TNRC6C: variants seen among roughly 807,000 people sequenced by gnomAD.
TNRC6C encodes the protein trinucleotide repeat-containing gene 6C protein.
TNRC6C carries 20 observed loss-of-function variants against 153.7 expected under a neutral mutation model. That is an observed-to-expected ratio of 0.13 (90% CI 0.09 to 0.19). The LOEUF is 0.19. Ranked by LOEUF, TNRC6C falls within the 10% of genes least tolerant of loss-of-function variation. TNRC6C has a pLI of 1.00. For synonymous variants in TNRC6C, 811 were observed against 841.4 expected, an observed-to-expected ratio of 0.96 and a Z score of 0.63; for missense variants, 1,987 against 2,172.0, an observed-to-expected ratio of 0.91 and a Z score of 1.69.
chr17:78,075,317 CAA>C lies in TNRC6C; in HGVS notation c.3060+40_3060+41del, dbSNP rs1276043428. On this transcript the variant is annotated intron_variant, in intron 8 of 19. Transcript: ENST00000301624. The surrounding 1 kb of genome is among the most constrained non-coding windows in gnomAD (Gnocchi z 4.2). Reference sequence around the variant, plus strand: ...TGGTTTGTTGTTTTTGCTTTTTTAACAAGAGGAGTTTTTCATTTCAACTGTGT... The same window carrying C: ...TGGTTTGTTGTTTTTGCTTTTTTAACGAGGAGTTTTTCATTTCAACTGTGT... 4.5e-6 allele frequency: 7 copies of C among 1,544,210 alleles called. No individual in the cohort carries two copies. The highest frequency in any genetic ancestry group is 2.4e-5 in the East Asian group (1 of 41,072).
intron 11 of TNRC6C, 128 bp downstream of exon 13, chr17:78,083,294 A>G: frequency 7.9e-6 from 10 of 1,272,068 alleles, no homozygotes; most frequent in Non-Finnish European, 1.1e-5. Flanking sequence ...CTCATGAAGT[A>G]TTTAAACTCT....
At chr17:77,963,798 T>C (rs937094316) in intron 1 of TNRC6C, among the ~76,000 whole-genome samples, 37 of 152,254 alleles carry the variant, frequency 2.4e-4, no homozygotes, top group African/African-American at 8.4e-4. Flanking sequence ...AGCTATGCAT[T>C]GGAACTTTGG....
intron 17 of TNRC6C, among the ~76,000 whole-genome samples, chr17:78,101,218 C>T (rs114855731): frequency 0.014 from 2,204 of 152,292 alleles, 63 homozygotes; most frequent in African/African-American, 0.051. Context: ...GAAAGCTCCA[C>T]AAATCTCTAG....
intron 1 of TNRC6C, among the ~76,000 whole-genome samples, chr17:78,028,720 T>C (rs2071997179): frequency 6.6e-6 from 1 of 152,250 alleles, no homozygotes; most frequent in Non-Finnish European, 1.5e-5. Context: ...TAAAATATTT[T>C]TTAATGTTTC....
chr17:77,981,705 G>C (rs1171390418), intron 1 of TNRC6C, among the ~76,000 whole-genome samples: 1 of 152,116 alleles, frequency 6.6e-6, no homozygotes, highest in Non-Finnish European at 1.5e-5. Flanking sequence ...TTCAACCTGT[G>C]GGTCAAATCT....
intron 1 of TNRC6C, among the ~76,000 whole-genome samples, chr17:78,010,164 C>G (rs1426567307): frequency 6.6e-6 from 1 of 152,240 alleles, no homozygotes; most frequent in Non-Finnish European, 1.5e-5. Context: ...CTTGAGCCAC[C>G]AGCTCAGCCC....
chr17:78,064,643 A>C, intron 3 of TNRC6C, 79 bp from the exon 6 acceptor site: 1 of 1,371,176 alleles, frequency 7.3e-7, no homozygotes, highest in Non-Finnish European at 1.0e-6. Flanking sequence ...AATTATTTTG[A>C]AATTGAAAAC....
chr17:78,004,006 C>A, upstream of TNRC6C: 1 of 650,362 alleles, frequency 1.5e-6, no homozygotes, highest in Non-Finnish European at 1.9e-6. Flanking sequence ...TCAGGGCAAC[C>A]TGCAGTGCTG....
chr17:78,025,281 GT>G (rs1213197213), intron 1 of TNRC6C, among the ~76,000 whole-genome samples: 1 of 152,098 alleles, frequency 6.6e-6, no homozygotes, highest in East Asian at 1.9e-4. Context: ...CATCCCTGTA[GT>G]TTTGCCTTCT....
chr17:78,050,354 A>C (rs1419771127), exon 3 of TNRC6C: 1 of 1,611,764 alleles, frequency 6.2e-7, no homozygotes, highest in Non-Finnish European at 8.5e-7. Context: ...GACCAAGGGC[A>C]CATCCAGTTG....
At chr17:78,056,405 A>G (rs1055884162) in intron 3 of TNRC6C, among the ~76,000 whole-genome samples, 1 of 147,288 alleles carries the variant, frequency 6.8e-6, no homozygotes. Context: ...TGATCCACCC[A>G]CCTCAGCCTC....
chr17:78,073,557 A>G (rs1365017472), intron 7 of TNRC6C, among the ~76,000 whole-genome samples: 1 of 152,206 alleles, frequency 6.6e-6, no homozygotes, highest in Non-Finnish European at 1.5e-5. Flanking sequence ...TGCTTTAATA[A>G]TAATGTTAAA....
intron 1 of TNRC6C, among the ~76,000 whole-genome samples, chr17:78,017,639 A>C (rs1047129266): frequency 6.6e-6 from 1 of 152,230 alleles, no homozygotes; most frequent in Non-Finnish European, 1.5e-5. Flanking sequence ...CCAGGCAGGA[A>C]CACTGAGGAG....
At chr17:77,997,846 G>A (rs375523154) in intron 1 of TNRC6C, among the ~76,000 whole-genome samples, 1 of 151,766 alleles carries the variant, frequency 6.6e-6, no homozygotes, top group East Asian at 1.9e-4. Flanking sequence ...AGTAGAGACG[G>A]GGTTTCACCG....
chr17:78,064,035 T>G (rs2072821798), intron 3 of TNRC6C, among the ~76,000 whole-genome samples: 1 of 152,128 alleles, frequency 6.6e-6, no homozygotes, highest in Admixed American at 6.5e-5. Context: ...AGTTAGAAAA[T>G]GGCAATTTTT....
At chr17:77,998,362 A>G (rs1197936341) in intron 1 of TNRC6C, among the ~76,000 whole-genome samples, 1 of 152,188 alleles carries the variant, frequency 6.6e-6, no homozygotes, top group Non-Finnish European at 1.5e-5. Flanking sequence ...TGACTTATAA[A>G]TTTATGTATA....
intron 6 of TNRC6C, 73 bp downstream of exon 8, chr17:78,071,238 T>G (rs1291950516): frequency 7.0e-7 from 1 of 1,419,698 alleles, no homozygotes; most frequent in Non-Finnish European, 9.7e-7. Flanking sequence ...TTCCTCTCCA[T>G]GTTTGTTATG....
intron 1 of TNRC6C, among the ~76,000 whole-genome samples, chr17:78,007,645 A>G (rs1415963510): frequency 2.6e-5 from 4 of 152,252 alleles, no homozygotes; most frequent in Non-Finnish European, 5.9e-5. Context: ...GGCAGCACCC[A>G]GAAGTCTCAA....
At chr17:78,058,315 T>G (rs959698244) in intron 3 of TNRC6C, among the ~76,000 whole-genome samples, 1 of 152,194 alleles carries the variant, frequency 6.6e-6, no homozygotes, top group Non-Finnish European at 1.5e-5. Flanking sequence ...CTAAAAATAC[T>G]CAGCAACATG....
Sources: allele counts gnomAD v4.1 joint callset (sites outside exome capture counted in the v4.1 genomes callset), GRCh38; gene constraint gnomAD v4.1.1; non-coding constraint Gnocchi (gnomAD v3.1); transcripts MANE v1.5; gene names NCBI Gene and HGNC (gene_info 2026-07-23, HGNC 2026-07-21).